The following CCDC7 variants were observed in gnomAD, a reference collection of about 807,000 sequenced individuals.
CCDC7 encodes the protein coiled-coil domain containing 7, also known as coiled-coil domain-containing protein 7.
CCDC7 carries 183 observed loss-of-function variants against 196.9 expected under a neutral mutation model. The ratio of observed to expected loss-of-function variants is 0.93; its 90% CI spans 0.82 to 1.05. The LOEUF (loss-of-function observed/expected upper bound fraction) is 1.05. Among genes scored for constraint, CCDC7 ranks in the 50% least tolerant of loss-of-function variants. CCDC7 has a pLI of 0.00. For synonymous variants in CCDC7, 525 were observed against 484.6 expected (o/e 1.08, Z -1.10); for missense variants, 1,540 against 1,482.2 (o/e 1.04, Z -0.64).
At chr10:32,462,637 G>A (rs1203753503) in intron 3 of CCDC7, 46 bp from the exon 5 acceptor site, 4 of 1,330,776 alleles carry the variant, frequency 3.0e-6, no homozygotes, top group Non-Finnish European at 4.1e-6. Context: ...TATACATTGT[G>A]AAGCATTCTA....
intron 39 of CCDC7, among the ~76,000 whole-genome samples, chr10:32,849,606 G>A (rs1211081128): frequency 5.3e-5 from 8 of 150,940 alleles, no homozygotes; most frequent in Non-Finnish European, 1.0e-4. Context: ...GGGAGGCTGA[G>A]GCAGGAGAAT....
At chr10:32,555,553 C>T (rs1252633730) in intron 13 of CCDC7, among the ~76,000 whole-genome samples, 1 of 152,002 alleles carries the variant, frequency 6.6e-6, no homozygotes, top group East Asian at 1.9e-4. Flanking sequence ...CTATTTTTAA[C>T]TTTTTAAGGA....
At chr10:32,594,047 C>G (rs1163104941) in intron 18 of CCDC7, among the ~76,000 whole-genome samples, 1 of 152,076 alleles carries the variant, frequency 6.6e-6, no homozygotes, top group African/African-American at 2.4e-5. Context: ...TTTTTGGTTC[C>G]ATATGAACTT....
intron 18 of CCDC7, among the ~76,000 whole-genome samples, chr10:32,586,934 C>G (rs142733457): frequency 1.4e-3 from 220 of 152,208 alleles, no homozygotes; most frequent in Non-Finnish European, 2.5e-3. Context: ...AGTGGGAATG[C>G]CTCTGTTTGA....
At chr10:32,643,590 T>C (rs1430365282) in intron 20 of CCDC7, among the ~76,000 whole-genome samples, 1 of 152,048 alleles carries the variant, frequency 6.6e-6, no homozygotes, top group Admixed American at 6.5e-5. Context: ...TTCTCTTTAA[T>C]TTATTTCTTT....
chr10:32,464,367 A>G (rs1301141046), intron 5 of CCDC7, among the ~76,000 whole-genome samples: 2 of 152,154 alleles, frequency 1.3e-5, no homozygotes, highest in Non-Finnish European at 2.9e-5. Flanking sequence ...CTAACACAAT[A>G]TTAACGTCTG....
intron 18 of CCDC7, among the ~76,000 whole-genome samples, chr10:32,585,818 A>G (rs970367321): frequency 2.6e-5 from 4 of 152,230 alleles, no homozygotes; most frequent in African/African-American, 9.7e-5. Context: ...TATTGTGAAC[A>G]GTGCCACAGT....
chr10:32,880,265 C>T (rs112841506), downstream of CCDC7, among the ~76,000 whole-genome samples: 28 of 152,130 alleles, frequency 1.8e-4, no homozygotes, highest in African/African-American at 6.8e-4. Flanking sequence ...GAGATGGTAT[C>T]TCATTGTGGC....
At chr10:32,475,128 GCTCTCTCTTTTT>G (rs2038732748) in intron 8 of CCDC7, among the ~76,000 whole-genome samples, 1 of 152,132 alleles carries the variant, frequency 6.6e-6, no homozygotes, top group South Asian at 2.1e-4. Context: ...CCTCTCAAGA[GCTCTCTCTTTTT>G]CTCTCTCTCA....
chr10:32,604,820 C>G (rs1190751249), intron 18 of CCDC7, among the ~76,000 whole-genome samples: 2 of 151,938 alleles, frequency 1.3e-5, no homozygotes, highest in South Asian at 2.1e-4. Context: ...TACGAGTTTT[C>G]TGGTGGAATC....
chr10:32,628,718 T>C (rs1239209522), intron 18 of CCDC7, among the ~76,000 whole-genome samples: 2 of 152,140 alleles, frequency 1.3e-5, no homozygotes, highest in East Asian at 3.8e-4. Context: ...GTTTCATTTG[T>C]CTCATTGTAT....
intron 9 of CCDC7, among the ~76,000 whole-genome samples, chr10:32,506,566 T>G (rs2135179567): frequency 6.6e-6 from 1 of 152,132 alleles, no homozygotes; most frequent in African/African-American, 2.4e-5. Context: ...TGGGCAACAT[T>G]GAGCATTGAG....
At chr10:32,503,823 G>C (rs73251573) in intron 9 of CCDC7, among the ~76,000 whole-genome samples, 6,848 of 152,008 alleles carry the variant, frequency 0.045, 517 homozygotes, top group African/African-American at 0.16. Flanking sequence ...GGTCTTTTCA[G>C]ATTTTCTATT....
chr10:32,806,807 G>T (rs1208844543), intron 30 of CCDC7, among the ~76,000 whole-genome samples: 1 of 151,832 alleles, frequency 6.6e-6, no homozygotes. Flanking sequence ...TAAACACAAG[G>T]GAATCTATAA....
intron 3 of CCDC7, among the ~76,000 whole-genome samples, chr10:32,460,264 TATAG>T (rs1164595493): frequency 6.6e-6 from 1 of 152,206 alleles, no homozygotes; most frequent in East Asian, 1.9e-4. Flanking sequence ...ATCTAGATTA[TATAG>T]ATAATGTCTA....
chr10:32,669,563 C>G (rs1038946003), intron 21 of CCDC7, among the ~76,000 whole-genome samples: 6 of 152,048 alleles, frequency 3.9e-5, no homozygotes, highest in Admixed American at 3.9e-4. Flanking sequence ...TCACCTTACT[C>G]ATTATTAGTT....
At chr10:32,821,730 A>G (rs1593135877) in intron 31 of CCDC7, among the ~76,000 whole-genome samples, 1 of 151,420 alleles carries the variant, frequency 6.6e-6, no homozygotes, top group Non-Finnish European at 1.5e-5. Context: ...CAAACACCAC[A>G]TGTTCTCTCT....
chr10:32,488,964 T>C (rs1200054556), intron 8 of CCDC7, among the ~76,000 whole-genome samples: 1 of 152,224 alleles, frequency 6.6e-6, no homozygotes, highest in Non-Finnish European at 1.5e-5. Flanking sequence ...CTGTGGTTGA[T>C]ATGGGTAAAA....
chr10:32,877,402 TAGC>T (rs1308783633), downstream of CCDC7, among the ~76,000 whole-genome samples: 1 of 152,112 alleles, frequency 6.6e-6, no homozygotes, highest in Admixed American at 6.6e-5. Flanking sequence ...CAGAAATGAA[TAGC>T]AGAATTGTTA....
Sources: gnomAD v4.1 joint callset for allele counts (sites outside exome capture counted in the v4.1 genomes callset) on GRCh38, gnomAD v4.1.1 for gene constraint, MANE v1.5 for transcripts, NCBI Gene and HGNC (gene_info 2026-07-23, HGNC 2026-07-21) for gene names.